Variants in GPR146 observed in about 807,000 individuals in gnomAD.
GPR146 encodes the protein G-protein coupled receptor 146.
For synonymous variants in GPR146, 203 were observed against 104.3 expected (o/e 1.95, Z -5.77); for missense variants, 381 against 213.9 (o/e 1.78, Z -4.87).
At chr7:1,054,953 G>T (rs550921544) in intron 1 of GPR146, among the ~76,000 whole-genome samples, 1 of 152,132 alleles carries the variant, frequency 6.6e-6, no homozygotes, top group Non-Finnish European at 1.5e-5. Context: ...ATTTCCTCAC[G>T]GAAAAAAGGG....
chr7:1,046,289 C>T (rs891981260), intron 1 of GPR146, among the ~76,000 whole-genome samples: 3 of 152,200 alleles, frequency 2.0e-5, no homozygotes, highest in Non-Finnish European at 4.4e-5. Context: ...CCAACCACAG[C>T]GAGGTCTTGC....
intron 1 of GPR146, among the ~76,000 whole-genome samples, chr7:1,047,915 T>C (rs1782732186): frequency 6.6e-6 from 1 of 152,138 alleles, no homozygotes. Context: ...ACTGAATACA[T>C]CCCCTTCTAC....
intron 1 of GPR146, among the ~76,000 whole-genome samples, chr7:1,055,718 G>A (rs1008538800): frequency 1.3e-5 from 2 of 152,110 alleles, no homozygotes; most frequent in African/African-American, 4.8e-5. Context: ...GTGGCCGGCC[G>A]GGTGTGCCCT....
chr7:1,055,156 G>C, intron 1 of GPR146: 1 of 445,692 alleles, frequency 2.2e-6, no homozygotes, highest in South Asian at 1.6e-5. Flanking sequence ...GCTGTGCTCA[G>C]TTTGCAGTGC....
At chr7:1,054,072 C>A (rs577351253) in intron 1 of GPR146, among the ~76,000 whole-genome samples, 194 of 152,314 alleles carry the variant, frequency 1.3e-3, no homozygotes, top group Middle Eastern at 3.4e-3. Context: ...AGCCCAGCTC[C>A]TGACAAAGGC....
rs1288102574 is a variant in GPR146, at chr7:1,058,150, G to A, written c.635G>A (p.Arg212His). The A allele has an allele frequency of 1.5e-5, 11 of 739,420 alleles. No homozygotes were observed. Among genetic ancestry groups the A allele is most frequent in the Middle Eastern group, 2.3e-4 (1 of 4,302 alleles). The allele number at this position is 739,420 out of a possible 1,614,324, so 45.8% of individuals were successfully genotyped here. Residue 212 changes from arginine to histidine, a missense_variant, in exon 2 of 2, where the codon CGC becomes CAC. Physicochemically the swap from Arg to His is conservative, Grantham distance 29 (BLOSUM62 0). Transcript: ENST00000444847. ...ATLYALVLLS[R>H]VRREDTPLDR... The stretch of plus-strand genomic sequence containing the variant: ...CTCTACGCGCTGGTGCTACTCTCCC[G>A]CGTCCGCAGGGAGGACACGCCCCTG...
intron 1 of GPR146, among the ~76,000 whole-genome samples, chr7:1,055,811 A>G (rs1394962745): frequency 2.0e-5 from 3 of 152,130 alleles, no homozygotes; most frequent in African/African-American, 7.2e-5. Context: ...GACCCTGGAC[A>G]GATCCGGGGG....
intron 1 of GPR146, chr7:1,056,786 C>T (rs899534863): frequency 2.9e-5 from 4 of 136,508 alleles, no homozygotes; most frequent in South Asian, 2.3e-4. Flanking sequence ...GGAGGTCAGC[C>T]GGGGCCAAAT....
Position 1,058,038 on chromosome 7 carries a change from G to A in GPR146, c.523G>A (p.Ala175Thr), listed in dbSNP as rs367656590. ...FYICSHVSTR[A>T]LECAKMQNAE... ...CATCTGCAGCCATGTGTCCACCCGC[G>A]CGCTAGAGTGCGCCAAGATGCAGAA... Residue 175 changes from alanine (A) to threonine (T), a missense_variant, in exon 2 of 2, where the codon GCG becomes ACG. Ala to Thr is a moderately conservative substitution (Grantham distance 58). Transcript: ENST00000444847. The A allele has an allele frequency of 6.4e-5, 49 of 768,760 alleles. No individual in the cohort carries two copies. Among genetic ancestry groups the A allele is most frequent in the East Asian group, 9.7e-5 (4 of 41,254 alleles). 47.6% of individuals were successfully genotyped at this position (768,760 alleles called of 1,614,324 possible).
chr7:1,047,685 C>T (rs1782707731), intron 1 of GPR146, among the ~76,000 whole-genome samples: 2 of 152,240 alleles, frequency 1.3e-5, no homozygotes, highest in African/African-American at 2.4e-5. Flanking sequence ...AGGAGCTGGC[C>T]GTGGCCTTTC....
intron 1 of GPR146, among the ~76,000 whole-genome samples, chr7:1,053,992 G>A (rs1250073352): frequency 6.6e-6 from 1 of 152,210 alleles, no homozygotes; most frequent in African/African-American, 2.4e-5. Context: ...AAGGAGACTT[G>A]TCCACCCAGG....
intron 1 of GPR146, chr7:1,045,233 T>G (rs1488993315): frequency 6.6e-6 from 1 of 152,200 alleles, no homozygotes; most frequent in African/African-American, 2.4e-5. Flanking sequence ...TTCTCTAAAT[T>G]AGGCATAAGT....
chr7:1,058,471 G>A lies in GPR146; in HGVS notation c.956G>A (p.Arg319Gln), dbSNP rs147446123. 125 of 780,268 alleles carry A rather than the reference G, an allele frequency of 1.6e-4. No individual in the cohort carries two copies. Among genetic ancestry groups the A allele is most frequent in the African/African-American group, 6.9e-4 (41 of 59,262 alleles). 48.3% of individuals were successfully genotyped at this position (780,268 alleles called of 1,614,324 possible). A position where few individuals can be genotyped will look rare whatever the true frequency, so the allele number is the denominator to read the frequency against. Residue 319 changes from arginine (R) to glutamine (Q), a missense_variant, in exon 2 of 2, where the codon CGG becomes CAG. Physicochemically the swap from Arg to Gln is conservative, Grantham distance 43 (BLOSUM62 1). Transcript: ENST00000444847. ...RLMKKLPCGD[R>Q]HCSPDHMGVQ... ...ATGAAAAAGCTGCCCTGCGGGGACC[G>A]GCACTGCTCCCCGGACCACATGGGG...
intron 1 of GPR146, among the ~76,000 whole-genome samples, chr7:1,053,235 C>A (rs1393239638): frequency 6.6e-6 from 1 of 152,262 alleles, no homozygotes; most frequent in Non-Finnish European, 1.5e-5. Context: ...CAGGCTCCCA[C>A]AGAACCCCTC....
intron 1 of GPR146, among the ~76,000 whole-genome samples, chr7:1,046,962 G>A (rs570399357): frequency 5.9e-5 from 9 of 152,322 alleles, no homozygotes; most frequent in Non-Finnish European, 1.0e-4. Context: ...ACCGGGGCTC[G>A]ACTGAGGAGC....
chr7:1,057,840 T>C lies in GPR146; in HGVS notation c.325T>C (p.Phe109Leu), dbSNP rs1024951798. ...GEVHVALQIP[F>L]NVSSLVAMYS... ...AGTCCACGTGGCACTGCAGATCCCC[T>C]TCAATGTGTCCTCACTGGTGGCCAT... The change falls in exon 2 of 2, where the codon TTC becomes CTC. Residue 109 changes from phenylalanine to leucine, a missense_variant. Phe to Leu is a conservative substitution (Grantham distance 22). Transcript: ENST00000444847. 9.0e-6 allele frequency: 7 copies of C among 777,614 alleles called. No homozygotes were observed. The Admixed American group carries it at 1.2e-4, about 13-fold the overall frequency. The allele number at this position is 777,614 out of a possible 1,614,324, so 48.2% of individuals were successfully genotyped here.
intron 1 of GPR146, chr7:1,045,754 G>A (rs1782519481): frequency 1.3e-5 from 2 of 152,262 alleles, no homozygotes; most frequent in South Asian, 4.1e-4. Context: ...GAAGGCCTCT[G>A]AAGACAAGTG....
intron 1 of GPR146, among the ~76,000 whole-genome samples, chr7:1,054,518 C>T (rs1015060542): frequency 1.1e-4 from 16 of 152,210 alleles, no homozygotes; most frequent in South Asian, 4.1e-4. Flanking sequence ...CGCACGTGAG[C>T]GCAGGGAGGA....
rs1433297350 is a variant in GPR146, at chr7:1,052,639, G to C, written c.-24-4853G>C. On this transcript the variant is annotated intron_variant, in intron 1 of 1. Coordinates refer to ENST00000444847, the MANE Select transcript of GPR146 (RefSeq NM_001303473.2). This position sits in a 1 kb window ranked among gnomAD's most constrained non-coding sequence, Gnocchi z 4.2. ...AAGCTGGTGGTCTCTCAGTGCAAGG[G>C]TGGGGCTGGCCTGGAGGAGAGGCCC... 1.3e-5 allele frequency among the ~76,000 whole-genome samples: 2 copies of C among 152,122 alleles called. No homozygotes were observed. The highest frequency in any genetic ancestry group is 2.9e-5 in the Non-Finnish European group (2 of 68,022).
Sources: gnomAD v4.1 joint callset for allele counts (sites outside exome capture counted in the v4.1 genomes callset) on GRCh38, gnomAD v4.1.1 for gene constraint, Gnocchi (gnomAD v3.1) non-coding constraint, MANE v1.5 for transcripts, NCBI Gene and HGNC (gene_info 2026-07-23, HGNC 2026-07-21) for gene names.